The following NELL2 variants were observed in gnomAD, a reference collection of about 807,000 sequenced individuals.
NELL2 encodes the protein protein kinase C-binding protein NELL2.
A neutral mutation model predicts 109.6 loss-of-function variants in NELL2; 41 were observed. The observed-to-expected ratio is 0.37, with a 90% CI of 0.29 to 0.49. The LOEUF is 0.49. Among genes scored for constraint, NELL2 ranks in the 20% least tolerant of loss-of-function variants. NELL2 has a pLI of 0.98. For synonymous variants in NELL2, 355 were observed against 344.7 expected (o/e 1.03, Z -0.33); for missense variants, 900 against 1,008.3 (o/e 0.89, Z 1.45).
At position 44,834,346 on chromosome 12, in the gene NELL2, ATATAG is replaced by A. The variant is rs550839438; in HGVS notation, c.185-18215_185-18211del. 4.8e-4 allele frequency among the ~76,000 whole-genome samples: 73 copies of A among 151,932 alleles called. No homozygotes were observed. In the South Asian group the frequency reaches 0.015, roughly 31 times the overall value. ...TTTTCTCTTGTTTCATAAAATATAA[ATATAG>A]TAAAGATATAAATACAATTATAAAA... On this transcript the variant is annotated intron_variant, in intron 2 of 19. Transcript: ENST00000429094.
At chr12:44,672,540 T>C (rs1016148548) in intron 12 of NELL2, among the ~76,000 whole-genome samples, 1 of 152,212 alleles carries the variant, frequency 6.6e-6, no homozygotes, top group Admixed American at 6.5e-5. Flanking sequence ...CTACCATAGA[T>C]GTAGCCTACC....
rs926237116 is a variant in NELL2 at position 44,876,111 on chromosome 12, C to G, written c.-242G>C. On this transcript the variant is annotated 5_prime_UTR_variant, in exon 1 of 20. Coordinates refer to ENST00000429094, the MANE Select transcript of NELL2 (RefSeq NM_001145108.2). ...CCCACACGCAGGGCCGAGGCGGCAGCGCGGCCCGGAGGGGGCCCGGAGGGA... is the reference window on the plus strand; with the variant it reads ...CCCACACGCAGGGCCGAGGCGGCAGGGCGGCCCGGAGGGGGCCCGGAGGGA... The G allele has an allele frequency of 3.0e-5, 39 of 1,318,638 alleles. No individual in the cohort carries two copies. Among genetic ancestry groups the G allele is most frequent in the Non-Finnish European group, 3.8e-5 (39 of 1,034,316 alleles). The allele number at this position is 1,318,638 out of a possible 1,614,324, so 81.7% of individuals were successfully genotyped here.
chr12:44,916,315 G>A (rs555541434), upstream of NELL2, among the ~76,000 whole-genome samples: 1 of 152,178 alleles, frequency 6.6e-6, no homozygotes, highest in South Asian at 2.1e-4. Context: ...AGGCAAGAAA[G>A]TTGAAAATAT....
At chr12:44,852,123 C>G (rs998758217) in intron 2 of NELL2, among the ~76,000 whole-genome samples, 19 of 152,130 alleles carry the variant, frequency 1.2e-4, no homozygotes, top group African/African-American at 4.1e-4. Context: ...TAAATGCATT[C>G]ACCGTCAATA....
intron 15 of NELL2, among the ~76,000 whole-genome samples, chr12:44,574,517 A>G (rs545472084): frequency 6.6e-5 from 10 of 152,166 alleles, no homozygotes; most frequent in Non-Finnish European, 1.0e-4. Context: ...AACTTAAAGG[A>G]ATGTTTAAAA....
intron 2 of NELL2, among the ~76,000 whole-genome samples, chr12:44,825,391 C>CTTTTTTTTTT (rs34266446): frequency 2.4e-5 from 2 of 83,608 alleles, no homozygotes; most frequent in African/African-American, 5.0e-5. Flanking sequence ...TATTCATTTC[C>CTTTTTTTTTT]TTTTTTTTTT....
intron 15 of NELL2, among the ~76,000 whole-genome samples, chr12:44,571,128 G>A (rs370673862): frequency 1.3e-5 from 2 of 152,150 alleles, no homozygotes; most frequent in East Asian, 1.9e-4. Flanking sequence ...GTGAACAAAA[G>A]CCATCTTAGC....
chr12:44,594,929 C>A (rs1944900343), intron 15 of NELL2, among the ~76,000 whole-genome samples: 1 of 152,194 alleles, frequency 6.6e-6, no homozygotes, highest in Admixed American at 6.5e-5. Flanking sequence ...CAGAGTCCCC[C>A]TTCTCATCAT....
At chr12:44,802,910 C>T (rs1217426321) in intron 3 of NELL2, among the ~76,000 whole-genome samples, 1 of 151,876 alleles carries the variant, frequency 6.6e-6, no homozygotes, top group African/African-American at 2.4e-5. Flanking sequence ...TGATGAGGAT[C>T]AGGATATTGG....
intron 3 of NELL2, among the ~76,000 whole-genome samples, chr12:44,791,600 CT>C (rs1833607828): frequency 6.6e-6 from 1 of 150,992 alleles, no homozygotes; most frequent in Admixed American, 6.6e-5. Flanking sequence ...GAAAATAGAG[CT>C]GATAGAATTT....
intron 15 of NELL2, among the ~76,000 whole-genome samples, chr12:44,604,271 G>C (rs772807963): frequency 6.6e-5 from 10 of 152,060 alleles, no homozygotes; most frequent in Non-Finnish European, 1.5e-4. Flanking sequence ...AAAGAGGAAG[G>C]AGTGAGAGAA....
intron 16 of NELL2, among the ~76,000 whole-genome samples, chr12:44,528,363 G>A (rs916410950): frequency 2.6e-5 from 4 of 151,916 alleles, no homozygotes; most frequent in African/African-American, 9.7e-5. Flanking sequence ...TTGATGTTTA[G>A]TTTAATTATC....
rs143010653 is a variant in NELL2, at chr12:44,842,798, T to C, written c.185-26662A>G. On this transcript the variant is annotated intron_variant, in intron 2 of 19. Transcript: ENST00000429094. ...CTTTTTTTTTTTCAAGAAGGCCATA[T>C]GAACAAACAGACACACAGAGACAGA... is the stretch of plus-strand genomic sequence containing the variant. Among the ~76,000 whole-genome samples, 356 of 151,328 alleles carry C rather than the reference T, an allele frequency of 2.4e-3. 1 individual carries two copies. The highest frequency in any genetic ancestry group is 8.1e-3 in the African/African-American group (335 of 41,140).
At chr12:44,605,688 T>C (rs1184169789) in intron 15 of NELL2, among the ~76,000 whole-genome samples, 2 of 152,148 alleles carry the variant, frequency 1.3e-5, no homozygotes, top group Non-Finnish European at 2.9e-5. Context: ...ACAGCTTTTA[T>C]TTCAAAATTC....
At chr12:44,757,555 C>T (rs935317008) in intron 9 of NELL2, among the ~76,000 whole-genome samples, 2 of 152,116 alleles carry the variant, frequency 1.3e-5, no homozygotes, top group African/African-American at 4.8e-5. Flanking sequence ...ATATACCATA[C>T]ATCTAACTAG....
intron 1 of NELL2, among the ~76,000 whole-genome samples, chr12:44,885,007 G>A (rs531141733): frequency 6.6e-6 from 1 of 152,110 alleles, no homozygotes; most frequent in Admixed American, 6.5e-5. Context: ...AGCTGGGTGT[G>A]GTGGCTCCCC....
upstream of NELL2, among the ~76,000 whole-genome samples, chr12:44,917,396 A>G (rs971755639): frequency 1.3e-5 from 2 of 152,214 alleles, no homozygotes; most frequent in Non-Finnish European, 2.9e-5. Context: ...CTTAGTTTCC[A>G]TATATGTAAG....
At chr12:44,770,621 TG>T (rs1428093559) in intron 9 of NELL2, among the ~76,000 whole-genome samples, 1 of 152,212 alleles carries the variant, frequency 6.6e-6, no homozygotes, top group East Asian at 1.9e-4. Context: ...ACTCTGACCT[TG>T]CTCAACCAAA....
intron 9 of NELL2, among the ~76,000 whole-genome samples, chr12:44,739,146 A>G (rs974999096): frequency 6.6e-6 from 1 of 152,150 alleles, no homozygotes; most frequent in African/African-American, 2.4e-5. Flanking sequence ...TTAAGTCCCA[A>G]GGGTTGCCTC....
Sources: gnomAD v4.1 joint callset for allele counts (sites outside exome capture counted in the v4.1 genomes callset) on GRCh38, gnomAD v4.1.1 for gene constraint, MANE v1.5 for transcripts, NCBI Gene and HGNC (gene_info 2026-07-23, HGNC 2026-07-21) for gene names.